The following REEP2 variants were observed in gnomAD, a reference collection of about 807,000 sequenced individuals.
REEP2 encodes receptor expression-enhancing protein 2.
Under a neutral mutation model 32.1 loss-of-function variants are expected in REEP2, and 9 were observed. The ratio of observed to expected loss-of-function variants is 0.28; its 90% CI spans 0.17 to 0.49. The LOEUF (loss-of-function observed/expected upper bound fraction) is 0.49, where lower values mean the gene tolerates loss of function less well. REEP2 is among the 20% of genes least tolerant of loss of function. The pLI, the probability that REEP2 is intolerant of heterozygous loss-of-function variation, is 0.99. For missense variants in REEP2, 236 were observed against 338.0 expected (o/e 0.70, Z 2.37); for synonymous variants, 128 against 139.1 (o/e 0.92, Z 0.56).
chr5:138,445,810 C>G lies in REEP2; in HGVS notation c.*59C>G, dbSNP rs1561808121. 4.0e-6 allele frequency: 6 copies of G among 1,514,482 alleles called. No individual in the cohort carries two copies. In the Admixed American group the frequency reaches 1.1e-4, roughly 28 times the overall value. 93.8% of individuals were successfully genotyped at this position (1,514,482 alleles called of 1,614,324 possible). On this transcript the variant is annotated 3_prime_UTR_variant, in exon 8 of 8. Coordinates refer to ENST00000378339, the MANE Select transcript of REEP2 (RefSeq NM_001271803.2). ...TGAAGCCTCAGGAGGGGCCTCAGAC[C>G]CAGCCCCTGCTCCACACTGTGCCAG...
Position 138,446,018 on chromosome 5 carries a change from C to T in REEP2, c.*267C>T. On this transcript the variant is annotated 3_prime_UTR_variant, in exon 8 of 8. Coordinates refer to ENST00000378339, the MANE Select transcript of REEP2 (RefSeq NM_001271803.2). ...AAGGAGGTGGGGACTGCTCGGCCTC[C>T]ACCGCTGTTCCGCTGCAGCCCCGCC... is the stretch of plus-strand genomic sequence containing the variant. The T allele has an allele frequency of 2.0e-6, 1 of 495,820 alleles. No homozygotes were observed. Among genetic ancestry groups the T allele is most frequent in the Non-Finnish European group, 3.6e-6 (1 of 279,366 alleles). 30.7% of individuals were successfully genotyped at this position (495,820 alleles called of 1,614,324 possible). A position where few individuals can be genotyped will look rare whatever the true frequency, so the allele number is the denominator to read the frequency against.
rs747162145 is a variant in REEP2, at chr5:138,444,517, G to A, written c.285G>A (p.Thr95=). 2.1e-5 allele frequency: 34 copies of A among 1,614,034 alleles called. No homozygotes were observed. Among genetic ancestry groups the A allele is most frequent in the East Asian group, 4.5e-5 (2 of 44,866 alleles). The change falls in exon 4 of 8, where the codon ACG becomes ACA. Residue 95 remains threonine (T), a synonymous_variant. Coordinates refer to ENST00000378339, the MANE Select transcript of REEP2 (RefSeq NM_001271803.2). ...TCTACCGCAAGTTCGTGCACCCAACGCTGTCCAACAAGGAGAAGGTTTGCC... is the reference window on the plus strand; with the variant it reads ...TCTACCGCAAGTTCGTGCACCCAACACTGTCCAACAAGGAGAAGGTTTGCC... The part of the protein sequence containing the change: ...SVLYRKFVHP[T]LSNKEKEIDE...
rs781639230 is a variant in REEP2 at position 138,445,576 on chromosome 5, T to C, written c.674T>C (p.Ile225Thr). ...AAAGCTCCCAAGAGGGCCAAACCCATCAAAAAAGCGCCCAAAGCTGAGGTG... is the reference window on the plus strand; with the variant it reads ...AAAGCTCCCAAGAGGGCCAAACCCACCAAAAAAGCGCCCAAAGCTGAGGTG... ...GDKAPKRAKPIKKAPKAEPLA... is the reference protein window; with the variant it reads ...GDKAPKRAKPTKKAPKAEPLA... The change falls in exon 7 of 8, where the codon ATC (isoleucine) becomes ACC (threonine). Residue 225 changes from isoleucine (I) to threonine (T), a missense_variant. By Grantham distance (89) the Ile-to-Thr change is moderately conservative (BLOSUM62 -1). Transcript: ENST00000378339. 2 of 1,613,884 alleles carry C rather than the reference T, an allele frequency of 1.2e-6. No individual in the cohort carries two copies. Among genetic ancestry groups the C allele is most frequent in the South Asian group, 1.1e-5 (1 of 91,080 alleles).
chr5:138,441,109 C>A lies in REEP2; in HGVS notation c.105+21C>A. Reference sequence around the variant, plus strand: ...AATATGTGAGTGGATGACCCTTCACCCCCTACCCAACCCACATGGCACAGA... The same window carrying A: ...AATATGTGAGTGGATGACCCTTCACACCCTACCCAACCCACATGGCACAGA... On this transcript the variant is annotated intron_variant, in intron 2 of 7. Transcript: ENST00000378339. This position sits in a 1 kb window ranked among gnomAD's most constrained non-coding sequence, Gnocchi z 4.4. 6.2e-7 allele frequency: 1 copy of A among 1,613,472 alleles called. No individual in the cohort carries two copies. Among genetic ancestry groups the A allele is most frequent in the Non-Finnish European group, 8.5e-7 (1 of 1,179,882 alleles).
In REEP2 at chr5:138,445,289, G is replaced by A. The variant is rs1312330798; in HGVS notation, c.479G>A (p.Arg160Gln). Reference protein sequence around the residue: ...SFSMQDLTLIRDEDALPLQRP... With the variant: ...SFSMQDLTLIQDEDALPLQRP... ...AGCATGCAGGACCTGACCCTGATCC[G>A]GGACGAGGACGCACTGCCCCTGCAG... Residue 160 changes from arginine to glutamine, a missense_variant, in exon 6 of 8, where the codon CGG becomes CAG. By Grantham distance (43) the Arg-to-Gln change is conservative. Transcript: ENST00000378339. 17 of 1,613,402 alleles carry A rather than the reference G, an allele frequency of 1.1e-5. No homozygotes were observed. The highest frequency in any genetic ancestry group is 2.7e-5 in the African/African-American group (2 of 74,948).
At chr5:138,440,888 T>G in intron 1 of REEP2, 128 bp from the exon 2 acceptor site, 202 of 1,524,998 alleles carry the variant, frequency 1.3e-4, no homozygotes, top group Middle Eastern at 4.1e-4. Flanking sequence ...ACCCCTGACC[T>G]GAGTTCATCA....
chr5:138,445,609 T>A lies in REEP2; in HGVS notation c.696+11T>A, dbSNP rs200979340. The stretch of plus-strand genomic sequence containing the variant: ...GCGCCCAAAGCTGAGGTGAGGGCAC[T>A]GGCCAGAGCTTGGGGAAACAGGCAG... On this transcript the variant is annotated intron_variant, in intron 7 of 7. Transcript: ENST00000378339. The A allele has an allele frequency of 4.5e-5, 72 of 1,614,178 alleles. No homozygotes were observed. The African/African-American group carries it at 8.5e-4, about 19-fold the overall frequency.
chr5:138,440,771 C>T (rs1387109198), intron 1 of REEP2, among the ~76,000 whole-genome samples: 1 of 152,226 alleles, frequency 6.6e-6, no homozygotes, highest in Non-Finnish European at 1.5e-5. Context: ...GACCCTCTGG[C>T]CTCTGGGCCT....
At chr5:138,445,651 G>T in intron 7 of REEP2, 32 bp from the exon 8 acceptor site, 1 of 1,614,118 alleles carries the variant, frequency 6.2e-7, no homozygotes, top group South Asian at 1.1e-5. Context: ...GCGGCTCCAG[G>T]CTGAGCCCCA....
rs372007365 is a variant in REEP2, at chr5:138,445,498, G to C, written c.596G>C (p.Ser199Thr). 5 of 1,614,060 alleles carry C rather than the reference G, an allele frequency of 3.1e-6. No individual in the cohort carries two copies. The highest frequency in any genetic ancestry group is 4.2e-6 in the Non-Finnish European group (5 of 1,180,022). Residue 199 changes from serine to threonine, a missense_variant, in exon 7 of 8, where the codon AGC becomes ACC. By Grantham distance (58) the Ser-to-Thr change is moderately conservative. Transcript: ENST00000378339. ...GDDPALSLRS[S>T]TNPADSRTEA... ...GACCCTGCCCTGAGTCTAAGGTCCAGCACAAACCCGGCAGATTCCCGGACA... is the reference window on the plus strand; with the variant it reads ...GACCCTGCCCTGAGTCTAAGGTCCACCACAAACCCGGCAGATTCCCGGACA...
Position 138,445,520 on chromosome 5 carries a change from G to C in REEP2, c.618G>C (p.Arg206=). 6.2e-7 allele frequency: 1 copy of C among 1,614,130 alleles called. No homozygotes were observed. Among genetic ancestry groups the C allele is most frequent in the African/African-American group, 1.3e-5 (1 of 75,032 alleles). ...LRSSTNPADS[R]TEASEDDMGD... ...CCAGCACAAACCCGGCAGATTCCCGGACAGAGGCTTCTGAGGATGACATGG... is the reference window on the plus strand; with the variant it reads ...CCAGCACAAACCCGGCAGATTCCCGCACAGAGGCTTCTGAGGATGACATGG... The change falls in exon 7 of 8, where the codon CGG becomes CGC. Residue 206 remains arginine, a synonymous_variant. Coordinates refer to ENST00000378339, the MANE Select transcript of REEP2 (RefSeq NM_001271803.2).
chr5:138,444,212 C>T lies in REEP2; in HGVS notation c.183-203C>T, dbSNP rs1427530735. 20 of 546,122 alleles carry T rather than the reference C, an allele frequency of 3.7e-5. No homozygotes were observed. The East Asian group carries it at 5.9e-4, about 16-fold the overall frequency. 33.8% of individuals were successfully genotyped at this position (546,122 alleles called of 1,614,324 possible). A position where few individuals can be genotyped will look rare whatever the true frequency, so the allele number is the denominator to read the frequency against. On this transcript the variant is annotated intron_variant, in intron 3 of 7. Coordinates refer to ENST00000378339, the MANE Select transcript of REEP2 (RefSeq NM_001271803.2). ...CTGGGGGAAATTCCTTCTAGTGTCA[C>T]TGCTTACCTTCCTGTTTGGAGCTTC...
intron 5 of REEP2, 107 bp from the exon 6 acceptor site, chr5:138,445,121 A>G (rs1763901291): frequency 2.4e-6 from 3 of 1,246,298 alleles, no homozygotes; most frequent in Non-Finnish European, 3.3e-6. Context: ...GGGTGAGGAC[A>G]GTGTGGGGAG....
chr5:138,439,701 G>A (rs1410679677), intron 1 of REEP2: 6 of 457,514 alleles, frequency 1.3e-5, no homozygotes, highest in African/African-American at 1.2e-4. Context: ...CCATCACCAG[G>A]CCCCTTGGTC....
chr5:138,440,207 C>G (rs886308949), intron 1 of REEP2, among the ~76,000 whole-genome samples: 6 of 152,206 alleles, frequency 3.9e-5, no homozygotes, highest in African/African-American at 1.2e-4. Context: ...CCCCACCCTG[C>G]TCCCTTCTTC....
Position 138,441,921 on chromosome 5 carries a change from C to T in REEP2, c.182+460C>T, listed in dbSNP as rs113089597. Among the ~76,000 whole-genome samples the T allele has an allele frequency of 0.041, 6,275 of 151,402 alleles. 177 individuals carry two copies. The highest frequency in any genetic ancestry group is 0.11 in the South Asian group (549 of 4,810). ...CAGCCTGGGCAACAGAGTGAGACTC[C>T]GTCTCAAAAAAAAAACAAACAAACA... On this transcript the variant is annotated intron_variant, in intron 3 of 7. Transcript: ENST00000378339. This position sits in a 1 kb window ranked among gnomAD's most constrained non-coding sequence, Gnocchi z 4.4.
intron 1 of REEP2, among the ~76,000 whole-genome samples, chr5:138,440,744 C>T (rs895056137): frequency 4.6e-5 from 7 of 152,198 alleles, no homozygotes; most frequent in Admixed American, 3.3e-4. Context: ...AGGATCATGG[C>T]GCAAGGGACT....
intron 3 of REEP2, among the ~76,000 whole-genome samples, chr5:138,442,540 G>A (rs181027400): frequency 1.3e-4 from 19 of 151,818 alleles, no homozygotes; most frequent in South Asian, 2.1e-4. Context: ...GTGAAACCCC[G>A]TCTCTACTAA....
chr5:138,439,202 C>G lies in REEP2; in HGVS notation c.-7C>G. On this transcript the variant is annotated 5_prime_UTR_variant, in exon 1 of 8. Transcript: ENST00000378339. Reference sequence around the variant, plus strand: ...GGTCCCCGCCCCGCGCCGCGCCCGGCCCCGCCATGGTGTCCTGGATCATCT... The same window carrying G: ...GGTCCCCGCCCCGCGCCGCGCCCGGGCCCGCCATGGTGTCCTGGATCATCT... 3 of 1,370,084 alleles carry G rather than the reference C, an allele frequency of 2.2e-6. No homozygotes were observed. Among genetic ancestry groups the G allele is most frequent in the Non-Finnish European group, 2.8e-6 (3 of 1,062,940 alleles). 84.9% of individuals were successfully genotyped at this position (1,370,084 alleles called of 1,614,324 possible). A position where few individuals can be genotyped will look rare whatever the true frequency, so the allele number is the denominator to read the frequency against.
Sources: gnomAD v4.1 joint callset for allele counts (sites outside exome capture counted in the v4.1 genomes callset) on GRCh38, gnomAD v4.1.1 for gene constraint, Gnocchi (gnomAD v3.1) non-coding constraint, MANE v1.5 for transcripts, NCBI Gene and HGNC (gene_info 2026-07-23, HGNC 2026-07-21) for gene names.